Variants in CACNA2D2 observed in about 807,000 individuals in gnomAD.
CACNA2D2 encodes the protein calcium voltage-gated channel auxiliary subunit alpha2delta 2, also known as voltage-dependent calcium channel subunit alpha-2/delta-2.
In CACNA2D2, 48 loss-of-function variants were observed where a neutral mutation model predicts 166.4. That is an observed-to-expected ratio of 0.29 (90% CI 0.23 to 0.37). The LOEUF (loss-of-function observed/expected upper bound fraction) is 0.37, where lower values mean the gene tolerates loss of function less well. CACNA2D2 is among the 10% of genes least tolerant of loss of function. The pLI is 1.00. For synonymous variants in CACNA2D2, 561 were observed against 573.7 expected (o/e 0.98, Z 0.32); for missense variants, 1,122 against 1,433.0 (o/e 0.78, Z 3.50).
chr3:50,367,311 G>T lies in CACNA2D2; in HGVS notation c.2401+83C>A. On this transcript the variant is annotated intron_variant, in intron 27 of 37. Transcript: ENST00000424201. The surrounding 1 kb of genome is among the most constrained non-coding windows in gnomAD (Gnocchi z 6.5). ...AGCCTTGTGTTGGAGAGGGGCCTCA[G>T]ACAGCAGAGCCCAGTTCTGGCTGAG... 7.5e-7 allele frequency: 1 copy of T among 1,326,192 alleles called. No individual in the cohort carries two copies. Among genetic ancestry groups the T allele is most frequent in the African/African-American group, 1.4e-5 (1 of 69,208 alleles). 82.2% of individuals were successfully genotyped at this position (1,326,192 alleles called of 1,614,324 possible). A position where few individuals can be genotyped will look rare whatever the true frequency, so the allele number is the denominator to read the frequency against.
chr3:50,431,565 C>G (rs1389814404), intron 3 of CACNA2D2, among the ~76,000 whole-genome samples: 1 of 152,230 alleles, frequency 6.6e-6, no homozygotes, highest in Admixed American at 6.5e-5. Flanking sequence ...CAGTGTCCCC[C>G]TCTGTGAAGC....
intron 5 of CACNA2D2, among the ~76,000 whole-genome samples, chr3:50,387,201 C>T (rs772691154): frequency 5.3e-5 from 8 of 152,116 alleles, no homozygotes; most frequent in African/African-American, 9.7e-5. Flanking sequence ...TGCACCTGGA[C>T]GTTCCTGCAT....
In CACNA2D2 at chr3:50,378,257, G is replaced by A. The variant is rs778577590; in HGVS notation, c.1389+27C>T. On this transcript the variant is annotated intron_variant, in intron 14 of 37. Coordinates refer to ENST00000424201, the MANE Select transcript of CACNA2D2 (RefSeq NM_006030.4). ...CGTCCCTGCAGGGAAGCCAGGGGCT[G>A]GGAGGAGGGGCCTCCCCAAGTCTCA... is the stretch of plus-strand genomic sequence containing the variant. 107 of 1,554,766 alleles carry A rather than the reference G, an allele frequency of 6.9e-5. 3 individuals are homozygous for A. The South Asian group carries it at 1.2e-3, about 18-fold the overall frequency.
chr3:50,403,956 G>C (rs894298902), intron 3 of CACNA2D2, among the ~76,000 whole-genome samples: 2 of 152,172 alleles, frequency 1.3e-5, no homozygotes, highest in African/African-American at 4.8e-5. Flanking sequence ...TCCCAGATGT[G>C]GTCCCTTGAA....
At chr3:50,486,658 T>A (rs946807269) in intron 1 of CACNA2D2, among the ~76,000 whole-genome samples, 10 of 152,242 alleles carry the variant, frequency 6.6e-5, no homozygotes, top group Non-Finnish European at 1.2e-4. Context: ...CCAAGTCACC[T>A]CTGCCAGGAA....
intron 2 of CACNA2D2, among the ~76,000 whole-genome samples, chr3:50,449,620 G>C (rs973970692): frequency 1.3e-5 from 2 of 152,206 alleles, no homozygotes; most frequent in Non-Finnish European, 2.9e-5. Context: ...CAGCCAAGAA[G>C]GCCCAAATCA....
Position 50,367,345 on chromosome 3 carries a change from G to A in CACNA2D2, c.2401+49C>T, listed in dbSNP as rs2109408673. On this transcript the variant is annotated intron_variant, in intron 27 of 37. Coordinates refer to ENST00000424201, the MANE Select transcript of CACNA2D2 (RefSeq NM_006030.4). The surrounding 1 kb of genome is among the most constrained non-coding windows in gnomAD (Gnocchi z 6.5). ...GCCCAGTTCTGGCTGAGCAGACAGGGAAGCTGAGGCTCCCTGCCTGCTGCT... is the reference window on the plus strand; with the variant it reads ...GCCCAGTTCTGGCTGAGCAGACAGGAAAGCTGAGGCTCCCTGCCTGCTGCT... 6 of 1,535,322 alleles carry A rather than the reference G, an allele frequency of 3.9e-6. 1 individual carries two copies. The highest frequency in any genetic ancestry group is 1.1e-5 in the South Asian group (1 of 88,784).
intron 3 of CACNA2D2, among the ~76,000 whole-genome samples, chr3:50,414,259 T>C (rs981492234): frequency 6.6e-6 from 1 of 152,080 alleles, no homozygotes; most frequent in African/African-American, 2.4e-5. Context: ...CCGAGCCACA[T>C]ACCCGCACCG....
intron 2 of CACNA2D2, among the ~76,000 whole-genome samples, chr3:50,440,075 G>C (rs1003664695): frequency 1.3e-5 from 2 of 152,222 alleles, no homozygotes; most frequent in Non-Finnish European, 2.9e-5. Context: ...ACAGATCCAG[G>C]ACAGGCTGCA....
intron 2 of CACNA2D2, among the ~76,000 whole-genome samples, chr3:50,471,058 G>A (rs903212949): frequency 7.9e-5 from 12 of 152,244 alleles, no homozygotes; most frequent in African/African-American, 2.6e-4. Flanking sequence ...TCACACCCGC[G>A]CTTCCCCACT....
intron 4 of CACNA2D2, among the ~76,000 whole-genome samples, chr3:50,393,143 T>C (rs1254516047): frequency 6.6e-6 from 1 of 152,114 alleles, no homozygotes; most frequent in Non-Finnish European, 1.5e-5. Context: ...CTCGGGTAGG[T>C]CTATCCACTC....
At chr3:50,403,225 T>C (rs769281194) in intron 3 of CACNA2D2, among the ~76,000 whole-genome samples, 18 of 152,040 alleles carry the variant, frequency 1.2e-4, no homozygotes, top group Non-Finnish European at 1.9e-4. Context: ...GAGCAGGGCA[T>C]AGACAGCGAA....
chr3:50,420,096 T>C (rs1707475637), intron 3 of CACNA2D2, among the ~76,000 whole-genome samples: 1 of 152,196 alleles, frequency 6.6e-6, no homozygotes, highest in Admixed American at 6.5e-5. Flanking sequence ...AAGAGGAAAA[T>C]CACAGTGAAG....
At chr3:50,501,572 T>C (rs1392576416) in intron 1 of CACNA2D2, among the ~76,000 whole-genome samples, 2 of 152,302 alleles carry the variant, frequency 1.3e-5, no homozygotes, top group East Asian at 3.9e-4. Flanking sequence ...ATCGGCCTTC[T>C]AGAGGAGACT....
At chr3:50,444,879 GCA>G (rs936958227) in intron 2 of CACNA2D2, among the ~76,000 whole-genome samples, 1 of 152,196 alleles carries the variant, frequency 6.6e-6, no homozygotes, top group African/African-American at 2.4e-5. Context: ...CTGTACCAGT[GCA>G]CAGATGCAGC....
rs1708204197 is a variant in CACNA2D2, at chr3:50,434,241, C to T, written c.405+72G>A. 5 of 1,030,892 alleles carry T rather than the reference C, an allele frequency of 4.9e-6. No individual in the cohort carries two copies. The South Asian group carries it at 6.7e-5, about 14-fold the overall frequency. 63.9% of individuals were successfully genotyped at this position (1,030,892 alleles called of 1,614,324 possible). On this transcript the variant is annotated intron_variant, in intron 3 of 37. Coordinates refer to ENST00000424201, the MANE Select transcript of CACNA2D2 (RefSeq NM_006030.4). ...ACGTGATGAAGGCTCAGGACACTGC[C>T]CTCATGGTACAGGACCTCTCCACCT... is the stretch of plus-strand genomic sequence containing the variant.
chr3:50,445,845 T>C (rs1227342747), intron 2 of CACNA2D2, among the ~76,000 whole-genome samples: 1 of 152,208 alleles, frequency 6.6e-6, no homozygotes, highest in Non-Finnish European at 1.5e-5. Flanking sequence ...CAGTGATCTC[T>C]GAACCCAGTC....
chr3:50,413,179 G>A (rs1005755912), intron 3 of CACNA2D2, among the ~76,000 whole-genome samples: 1 of 152,166 alleles, frequency 6.6e-6, no homozygotes, highest in Non-Finnish European at 1.5e-5. Context: ...TTGGGGTAGG[G>A]GGGTGGTGGT....
Position 50,364,626 on chromosome 3 carries a change from C to A in CACNA2D2, c.*40G>T, listed in dbSNP as rs1194147147. On this transcript the variant is annotated 3_prime_UTR_variant, in exon 38 of 38. Transcript: ENST00000424201. Reference sequence around the variant, plus strand: ...CAGGAGGGTGGGAAAGGCGAAGAGGCCGGGTGAGGTGGGAGTGGAGGTGGG... The same window carrying A: ...CAGGAGGGTGGGAAAGGCGAAGAGGACGGGTGAGGTGGGAGTGGAGGTGGG... The A allele has an allele frequency of 1.4e-6, 2 of 1,472,752 alleles. No individual in the cohort carries two copies. The highest frequency in any genetic ancestry group is 1.4e-5 in the South Asian group (1 of 72,740). 91.2% of individuals were successfully genotyped at this position (1,472,752 alleles called of 1,614,324 possible).
Sources: gnomAD v4.1 joint callset for allele counts (sites outside exome capture counted in the v4.1 genomes callset) on GRCh38, gnomAD v4.1.1 for gene constraint, Gnocchi (gnomAD v3.1) non-coding constraint, MANE v1.5 for transcripts, NCBI Gene and HGNC (gene_info 2026-07-23, HGNC 2026-07-21) for gene names.